Variants in ZNF334 observed in about 807,000 individuals in gnomAD.
The protein encoded by ZNF334 is zinc finger protein 334.
ZNF334 carries 14 observed loss-of-function variants against 12.4 expected under a neutral mutation model. That is an observed-to-expected ratio of 1.13 (90% CI 0.74 to 1.76). ZNF334 has a LOEUF of 1.76. ZNF334 is among the 40% of genes most tolerant of loss of function. ZNF334 has a pLI of 0.00. For missense variants in ZNF334, 797 were observed against 804.5 expected, an observed-to-expected ratio of 0.99 and a Z score of 0.11; for synonymous variants, 273 against 269.6, an observed-to-expected ratio of 1.01 and a Z score of -0.12.
the ZNF334 span, among the ~76,000 whole-genome samples, chr20:46,472,399 A>G: frequency 6.6e-6 from 1 of 152,244 alleles, no homozygotes; most frequent in African/African-American, 2.4e-5. Context: ...TAGTAGAGAA[A>G]AACATATACA....
the ZNF334 span, among the ~76,000 whole-genome samples, chr20:46,488,035 C>T: frequency 6.6e-6 from 1 of 152,034 alleles, no homozygotes; most frequent in Non-Finnish European, 1.5e-5. Context: ...TACATGCATG[C>T]GACAGCCCCC....
the ZNF334 span, among the ~76,000 whole-genome samples, chr20:46,475,750 C>T: frequency 2.6e-5 from 4 of 152,082 alleles, no homozygotes; most frequent in African/African-American, 4.8e-5. Flanking sequence ...ATCAAAATGG[C>T]TAAAATAAAA....
At chr20:46,485,413 GA>G in the ZNF334 span, 6 of 151,658 alleles carry the variant, frequency 4.0e-5, no homozygotes, top group East Asian at 9.7e-4. Flanking sequence ...GGTTAGCTCG[GA>G]AAAGTGTCAC....
At position 46,502,071 on chromosome 20, in the gene ZNF334, T is replaced by C. The variant is rs1205839509; in HGVS notation, c.1268A>G (p.His423Arg). The change falls in exon 5 of 5, where the codon CAT becomes CGT. Residue 423 changes from histidine (H) to arginine (R), a missense_variant. By Grantham distance (29) the His-to-Arg change is conservative (BLOSUM62 0). Transcript: ENST00000692313. ...TFFCQSALNV[H>R]RRSHTGEKPY... ...CTTCTCTCCTGTATGACTTCTTCGA[T>C]GCACATTGAGGGCAGATTGACAAAA... 6.2e-7 allele frequency: 1 copy of C among 1,614,226 alleles called. No homozygotes were observed. The highest frequency in any genetic ancestry group is 8.5e-7 in the Non-Finnish European group (1 of 1,180,028).
chr20:46,504,578 A>T, intron 3 of ZNF334, 36 bp downstream of exon 3: 1 of 1,553,988 alleles, frequency 6.4e-7, no homozygotes, highest in Non-Finnish European at 8.6e-7. Flanking sequence ...GAAGAAATGT[A>T]TGCTCTTGGG....
chr20:46,512,026 C>T lies in ZNF334; in HGVS notation c.21+56G>A, dbSNP rs560412935. 4 of 1,584,020 alleles carry T rather than the reference C, an allele frequency of 2.5e-6. No homozygotes were observed. In the East Asian group the frequency reaches 9.0e-5, roughly 35 times the overall value. On this transcript the variant is annotated intron_variant, in intron 2 of 4. Transcript: ENST00000692313. ...CATTTCGTTTCATCTGCAAACTACT[C>T]TAAACCTCTTGAAATTCACTGTATA...
the ZNF334 span, among the ~76,000 whole-genome samples, chr20:46,493,522 G>A: frequency 1.1e-3 from 171 of 152,272 alleles, 1 homozygote; most frequent in Non-Finnish European, 1.8e-3. Context: ...AGTGGCTCAC[G>A]CCTGTAATCC....
chr20:46,508,545 T>C (rs2061521968), intron 2 of ZNF334, among the ~76,000 whole-genome samples: 1 of 152,192 alleles, frequency 6.6e-6, no homozygotes, highest in South Asian at 2.1e-4. Flanking sequence ...AGTGTAAAAT[T>C]TGGGGCATGT....
In ZNF334 at chr20:46,512,087, A is replaced by T. The variant is rs779282830; in HGVS notation, c.16T>A (p.Phe6Ile). The part of the protein sequence containing the change: MKMKK[F>I]QIPVSFQDLT... ...TAAATCCCTGAGCAACTTACCTGAA[A>T]TTTTTTCATTTTCATGTTCTCTTGA... Residue 6 changes from phenylalanine (F) to isoleucine (I), a missense_variant, in exon 2 of 5, where the codon TTT becomes ATT. Physicochemically the swap from Phe to Ile is conservative, Grantham distance 21. Coordinates refer to ENST00000692313, the MANE Select transcript of ZNF334 (RefSeq NM_001353824.2). 39 of 1,613,694 alleles carry T rather than the reference A, an allele frequency of 2.4e-5. No homozygotes were observed. The Middle Eastern group carries it at 9.9e-4, about 41-fold the overall frequency.
chr20:46,493,787 T>C, the ZNF334 span, among the ~76,000 whole-genome samples: 2 of 152,104 alleles, frequency 1.3e-5, no homozygotes, highest in African/African-American at 4.8e-5. Flanking sequence ...AAAATTAGCA[T>C]GGTATGGTGG....
the ZNF334 span, among the ~76,000 whole-genome samples, chr20:46,477,790 A>G: frequency 1.3e-5 from 2 of 152,226 alleles, no homozygotes; most frequent in South Asian, 2.1e-4. Flanking sequence ...AATTCCCTCT[A>G]GGGTGGCTGT....
chr20:46,488,078 A>G, the ZNF334 span, among the ~76,000 whole-genome samples: 1 of 152,130 alleles, frequency 6.6e-6, no homozygotes, highest in East Asian at 1.9e-4. Flanking sequence ...AAAGGTAAAT[A>G]GTGCTCAGGT....
At chr20:46,470,059 C>G in the ZNF334 span, among the ~76,000 whole-genome samples, 1 of 152,184 alleles carries the variant, frequency 6.6e-6, no homozygotes, top group South Asian at 2.1e-4. Flanking sequence ...GCTCCCAGAG[C>G]TCCTAGGACA....
intron 2 of ZNF334, chr20:46,506,401 TG>T: frequency 2.0e-6 from 1 of 496,156 alleles, no homozygotes; most frequent in South Asian, 3.2e-5. Context: ...TGAGGTAGGC[TG>T]ATCGCTGGAG....
the ZNF334 span, chr20:46,493,022 A>C: frequency 6.6e-6 from 1 of 152,126 alleles, no homozygotes; most frequent in East Asian, 1.9e-4. Flanking sequence ...CCAGAGGCGG[A>C]AGTTGCAGTG....
the ZNF334 span, among the ~76,000 whole-genome samples, chr20:46,487,504 A>T: frequency 6.6e-6 from 1 of 152,134 alleles, no homozygotes; most frequent in East Asian, 1.9e-4. Flanking sequence ...TTTTCTAGTT[A>T]TCCATCATAG....
chr20:46,483,587 A>T, the ZNF334 span, among the ~76,000 whole-genome samples: 1 of 152,176 alleles, frequency 6.6e-6, no homozygotes, highest in Non-Finnish European at 1.5e-5. Context: ...CTACTAAGGG[A>T]TATTCAGTTA....
At chr20:46,511,831 G>T (rs1205965863) in intron 2 of ZNF334, among the ~76,000 whole-genome samples, 1 of 152,120 alleles carries the variant, frequency 6.6e-6, no homozygotes, top group African/African-American at 2.4e-5. Context: ...AAAATTTTTA[G>T]ATATAAATGA....
chr20:46,464,227 C>T, the ZNF334 span: 1 of 535,094 alleles, frequency 1.9e-6, no homozygotes, highest in Non-Finnish European at 3.7e-6. Flanking sequence ...GCACGCCTGG[C>T]TGCTCATTGC....
Sources: gnomAD v4.1 joint callset for allele counts (sites outside exome capture counted in the v4.1 genomes callset) on GRCh38, gnomAD v4.1.1 for gene constraint, MANE v1.5 for transcripts, NCBI Gene and HGNC (gene_info 2026-07-23, HGNC 2026-07-21) for gene names.